The following ADGRF5 variants were observed in gnomAD, a reference collection of about 807,000 sequenced individuals.
The protein encoded by ADGRF5 is G-protein coupled receptor 116.
Under a neutral mutation model 132.3 loss-of-function variants are expected in ADGRF5, and 75 were observed. The ratio of observed to expected loss-of-function variants is 0.57; its 90% confidence interval spans 0.47 to 0.69. The LOEUF is 0.69. Ranked by LOEUF, ADGRF5 falls within the 30% of genes least tolerant of loss-of-function variation. The pLI, the probability that ADGRF5 is intolerant of heterozygous loss-of-function variation, is 0.00. For synonymous variants in ADGRF5, 629 were observed against 597.6 expected (o/e 1.05, Z -0.77); for missense variants, 1,516 against 1,630.6 (o/e 0.93, Z 1.21).
intron 2 of ADGRF5, among the ~76,000 whole-genome samples, chr6:46,904,027 A>T (rs1324955592): frequency 6.6e-6 from 1 of 152,210 alleles, no homozygotes; most frequent in Non-Finnish European, 1.5e-5. Flanking sequence ...CAGACCTGAC[A>T]TCAAAGTTGA....
intron 1 of ADGRF5, among the ~76,000 whole-genome samples, chr6:46,934,074 C>T (rs930436463): frequency 2.8e-4 from 42 of 152,176 alleles, no homozygotes; most frequent in African/African-American, 8.9e-4. Context: ...CACATACTTA[C>T]GGCACATCTT....
rs1340795024 is a variant in ADGRF5 at position 46,854,065 on chromosome 6, T to C, written c.3968A>G (p.Tyr1323Cys). The change falls in exon 21 of 21, where the codon TAT (tyrosine) becomes TGT (cysteine). Residue 1323 changes from tyrosine (Y) to cysteine (C), a missense_variant. Physicochemically the swap from Tyr to Cys is radical, Grantham distance 194. Transcript: ENST00000283296. The part of the protein sequence containing the change: ...FNNLFGKTGT[Y>C]NVSTPEATSS... ...GGTTGCTTCTGGGGTGGAAACATTA[T>C]ACGTTCCTGAAAAACAGAGCAGCAA... 4 of 1,595,852 alleles carry C rather than the reference T, an allele frequency of 2.5e-6. No individual in the cohort carries two copies. Among genetic ancestry groups the C allele is most frequent in the Non-Finnish European group, 2.6e-6 (3 of 1,173,380 alleles).
At chr6:46,890,365 T>C (rs1377272842) in intron 3 of ADGRF5, among the ~76,000 whole-genome samples, 3 of 151,878 alleles carry the variant, frequency 2.0e-5, no homozygotes, top group Non-Finnish European at 4.4e-5. Context: ...AGTGCTGAGA[T>C]TATAGTCATG....
chr6:46,861,263 C>T (rs1172488568), intron 15 of ADGRF5, among the ~76,000 whole-genome samples: 3 of 152,132 alleles, frequency 2.0e-5, no homozygotes, highest in Non-Finnish European at 4.4e-5. Context: ...TATCACTTAC[C>T]CTGCCAATCA....
chr6:46,929,138 T>C (rs1251518701), intron 1 of ADGRF5, among the ~76,000 whole-genome samples: 1 of 152,058 alleles, frequency 6.6e-6, no homozygotes, highest in Non-Finnish European at 1.5e-5. Context: ...GTGGCACATA[T>C]ACACCATGGA....
At chr6:46,870,175 T>C (rs1366897062) in intron 11 of ADGRF5, among the ~76,000 whole-genome samples, 1 of 152,004 alleles carries the variant, frequency 6.6e-6, no homozygotes, top group Non-Finnish European at 1.5e-5. Context: ...TATTTTTTTC[T>C]TTTTAGAGAC....
At chr6:46,906,811 G>A (rs1178358988) in intron 1 of ADGRF5, 25 bp from the exon 2 acceptor site, 13 of 916,884 alleles carry the variant, frequency 1.4e-5, no homozygotes, top group Middle Eastern at 2.1e-4. Context: ...TGATGGTTTA[G>A]ATATACAGCA....
intron 2 of ADGRF5, 146 bp from the exon 3 acceptor site, chr6:46,900,229 A>G: frequency 1.5e-6 from 1 of 654,338 alleles, no homozygotes; most frequent in Non-Finnish European, 2.8e-6. Flanking sequence ...GATGCTGGGC[A>G]CATAGCAATG....
At position 46,858,698 on chromosome 6, in the gene ADGRF5, T is replaced by C. The variant is rs1031318221; in HGVS notation, c.3205A>G (p.Ile1069Val). 9 of 1,613,968 alleles carry C rather than the reference T, an allele frequency of 5.6e-6. No homozygotes were observed. The East Asian group carries it at 1.6e-4, about 28-fold the overall frequency. ...ASLLVANTWF[I>V]VVAAIQDNRY... ...TTGTCCTGGATGGCAGCGACCACAATGAACCAGGTGTTGGCGACCAGAAGG... is the reference window on the plus strand; with the variant it reads ...TTGTCCTGGATGGCAGCGACCACAACGAACCAGGTGTTGGCGACCAGAAGG... The change falls in exon 17 of 21, where the codon ATT (isoleucine) becomes GTT (valine). Residue 1069 changes from isoleucine (I) to valine (V), a missense_variant. Physicochemically the swap from Ile to Val is conservative, Grantham distance 29 (BLOSUM62 3). This residue lies in a region of ADGRF5 where 571 missense variants were observed against 701.2 expected (regional missense o/e 0.81). Transcript: ENST00000283296.
chr6:46,946,634 G>A (rs1778312031), intron 1 of ADGRF5, among the ~76,000 whole-genome samples: 1 of 152,184 alleles, frequency 6.6e-6, no homozygotes, highest in African/African-American at 2.4e-5. Flanking sequence ...GGAATAAAGG[G>A]CAGGAGCACG....
At chr6:46,885,153 C>T (rs1283854071) in intron 4 of ADGRF5, among the ~76,000 whole-genome samples, 3 of 147,818 alleles carry the variant, frequency 2.0e-5, no homozygotes, top group Admixed American at 1.4e-4. Context: ...GAGATTGCAA[C>T]CACTACACTC....
rs538104174 is a variant in ADGRF5, at chr6:46,868,746, G to A, written c.1621+137C>T. 775 of 612,152 alleles carry A rather than the reference G, an allele frequency of 1.3e-3. 11 individuals carry two copies. The highest frequency in any genetic ancestry group is 0.01 in the South Asian group (458 of 44,982). 37.9% of individuals were successfully genotyped at this position (612,152 alleles called of 1,614,324 possible). A position where few individuals can be genotyped will look rare whatever the true frequency, so the allele number is the denominator to read the frequency against. On this transcript the variant is annotated intron_variant, in intron 12 of 20. Coordinates refer to ENST00000283296, the MANE Select transcript of ADGRF5 (RefSeq NM_001098518.2). Reference sequence around the variant, plus strand: ...GCATCTTCCCTCAAAGGAATGTTGCGTTAAGTGTGAAGACATATTGAATTT... The same window carrying A: ...GCATCTTCCCTCAAAGGAATGTTGCATTAAGTGTGAAGACATATTGAATTT...
Position 46,869,027 on chromosome 6 carries a change from T to C in ADGRF5, c.1477A>G (p.Ile493Val), listed in dbSNP as rs769249511. The C allele has an allele frequency of 3.1e-6, 5 of 1,613,756 alleles. No individual in the cohort carries two copies. In the East Asian group the frequency reaches 1.1e-4, roughly 36 times the overall value. Residue 493 changes from isoleucine (I) to valine (V), a missense_variant, in exon 12 of 21, where the codon ATC becomes GTC. Ile to Val is a conservative substitution (Grantham distance 29). Around this residue, in one of 2 missense-constraint regions of ADGRF5, gnomAD observed 945 missense variants for 929.4 expected, o/e 1.02. Coordinates refer to ENST00000283296, the MANE Select transcript of ADGRF5 (RefSeq NM_001098518.2). ...SEGQNFSIKC[I>V]SDVSNYDEVY... ...TCATCATAGTTACTCACATCACTGA[T>C]GCATTTTATAGAAAAGTTTTGTCCC...
chr6:46,947,982 C>T (rs184780864), intron 1 of ADGRF5, among the ~76,000 whole-genome samples: 21 of 152,146 alleles, frequency 1.4e-4, no homozygotes, highest in East Asian at 3.9e-4. Flanking sequence ...GACTCAACAC[C>T]GGACAGGATG....
At chr6:46,915,547 C>G (rs1285927895) in intron 1 of ADGRF5, among the ~76,000 whole-genome samples, 1 of 152,130 alleles carries the variant, frequency 6.6e-6, no homozygotes, top group East Asian at 1.9e-4. Flanking sequence ...GGCAGGGCCA[C>G]CTTAGCCTTC....
chr6:46,864,951 G>T, intron 14 of ADGRF5, 91 bp downstream of exon 14: 1 of 867,658 alleles, frequency 1.2e-6, no homozygotes, highest in Non-Finnish European at 1.9e-6. Context: ...TTTAACATAT[G>T]TTTATTGAAT....
At chr6:46,882,543 C>G (rs562075699) in intron 6 of ADGRF5, among the ~76,000 whole-genome samples, 2 of 152,172 alleles carry the variant, frequency 1.3e-5, no homozygotes, top group South Asian at 4.1e-4. Flanking sequence ...CGGTGATGGT[C>G]GTGGATTTCA....
chr6:46,925,221 G>A (rs997857378), upstream of ADGRF5, among the ~76,000 whole-genome samples: 1 of 152,166 alleles, frequency 6.6e-6, no homozygotes, highest in African/African-American at 2.4e-5. Context: ...CTTCACACTT[G>A]CTGTTCTCTC....
At chr6:46,900,298 T>C (rs1191149327) in intron 2 of ADGRF5, among the ~76,000 whole-genome samples, 4 of 152,200 alleles carry the variant, frequency 2.6e-5, no homozygotes, top group Non-Finnish European at 5.9e-5. Flanking sequence ...AATTCATTTT[T>C]TTTTAGACCA....
Sources: gnomAD v4.1 joint callset for allele counts (sites outside exome capture counted in the v4.1 genomes callset) on GRCh38, gnomAD v4.1.1 for gene constraint, gnomAD v4.1.1 regional missense constraint, MANE v1.5 for transcripts, NCBI Gene and HGNC (gene_info 2026-07-23, HGNC 2026-07-21) for gene names.